The following MORC3 variants were observed in gnomAD, a reference collection of about 807,000 sequenced individuals.
The protein encoded by MORC3 is MORC family CW-type zinc finger 3, also known as MORC family CW-type zinc finger protein 3.
Under a neutral mutation model 109.1 loss-of-function variants are expected in MORC3, and 31 were observed. That is an observed-to-expected ratio of 0.28 (90% CI 0.21 to 0.38). MORC3 has a LOEUF of 0.38. Among genes scored for constraint, MORC3 ranks in the 10% least tolerant of loss-of-function variants. The pLI, the probability that MORC3 is intolerant of heterozygous loss-of-function variation, is 1.00. For synonymous variants in MORC3, 395 were observed against 380.7 expected (o/e 1.04, Z -0.44); for missense variants, 867 against 1,135.8 (o/e 0.76, Z 3.40).
chr21:36,338,643 T>C (rs1445124763), intron 4 of MORC3, 131 bp from the exon 5 acceptor site: 2 of 904,994 alleles, frequency 2.2e-6, no homozygotes, highest in African/African-American at 3.4e-5. Flanking sequence ...TGAGACCCTA[T>C]CTCACAAAAA....
intron 10 of MORC3, among the ~76,000 whole-genome samples, chr21:36,358,096 GCAGGC>G (rs1349724116): frequency 6.6e-6 from 1 of 151,816 alleles, no homozygotes; most frequent in Non-Finnish European, 1.5e-5. Flanking sequence ...GATTTAAAAA[GCAGGC>G]CAGGTACGTT....
intron 14 of MORC3, among the ~76,000 whole-genome samples, chr21:36,368,185 A>G (rs2085802916): frequency 6.6e-6 from 1 of 152,254 alleles, no homozygotes; most frequent in South Asian, 2.1e-4. Flanking sequence ...ACAGGGAATG[A>G]TGCAAATGAA....
chr21:36,357,153 T>G (rs893415623), intron 10 of MORC3, among the ~76,000 whole-genome samples: 6 of 152,152 alleles, frequency 3.9e-5, no homozygotes, highest in African/African-American at 1.4e-4. Flanking sequence ...ATTAAGAGCA[T>G]TTGCCTCCTC....
chr21:36,322,860 A>G (rs2085208797), intron 1 of MORC3, among the ~76,000 whole-genome samples: 2 of 150,934 alleles, frequency 1.3e-5, no homozygotes, highest in South Asian at 2.1e-4. Context: ...GCTGATGCAC[A>G]CTCTTCACCA....
At chr21:36,333,260 C>G (rs2085335943) in intron 1 of MORC3, among the ~76,000 whole-genome samples, 1 of 152,180 alleles carries the variant, frequency 6.6e-6, no homozygotes, top group African/African-American at 2.4e-5. Flanking sequence ...GGAGAAAGTG[C>G]CTCCTTGACA....
Position 36,364,252 on chromosome 21 carries a change from A to G in MORC3, c.1612A>G (p.Ser538Gly), listed in dbSNP as rs747161481. ...AGTTCCACCTCAGTCTGAACCTGAG[A>G]GCAACAGGTCAGTGGCTAAGATTGG... ...HQVPPQSEPE[S>G]NSLKRRLSTR... Residue 538 changes from serine (S) to glycine (G), a missense_variant, in exon 14 of 17, where the codon AGC becomes GGC. Physicochemically the swap from Ser to Gly is moderately conservative, Grantham distance 56. Around this residue, in one of 7 missense-constraint regions of MORC3, gnomAD observed 486 missense variants for 502.1 expected, o/e 0.97. Transcript: ENST00000400485. The G allele has an allele frequency of 6.8e-6, 11 of 1,613,872 alleles. No homozygotes were observed. The South Asian group carries it at 1.2e-4, about 18-fold the overall frequency.
intron 12 of MORC3, among the ~76,000 whole-genome samples, chr21:36,361,353 G>A (rs1421801995): frequency 6.6e-6 from 1 of 151,430 alleles, no homozygotes; most frequent in Non-Finnish European, 1.5e-5. Flanking sequence ...ATACCAGCCT[G>A]GCCAACATAG....
intron 1 of MORC3, 121 bp downstream of exon 1, chr21:36,320,424 G>C (rs1041974060): frequency 1.9e-6 from 2 of 1,029,408 alleles, no homozygotes; most frequent in Non-Finnish European, 2.5e-6. Context: ...GGCTGCGGCG[G>C]GGCCCGGGGA....
At chr21:36,320,623 T>C (rs1011649709) in intron 1 of MORC3, 1 of 279,632 alleles carries the variant, frequency 3.6e-6, no homozygotes, top group Non-Finnish European at 6.6e-6. Context: ...ATCGGTCTGC[T>C]CTCGGGGCCG....
chr21:36,337,372 C>T (rs374132859), intron 3 of MORC3, among the ~76,000 whole-genome samples: 1 of 152,116 alleles, frequency 6.6e-6, no homozygotes, highest in Non-Finnish European at 1.5e-5. Flanking sequence ...ATCTCACAGT[C>T]CCGGAAGCAT....
intron 15 of MORC3, among the ~76,000 whole-genome samples, chr21:36,371,852 T>G (rs1312424365): frequency 3.3e-5 from 5 of 151,340 alleles, no homozygotes; most frequent in Non-Finnish European, 7.4e-5. Flanking sequence ...TCGCTCTTGT[T>G]GCCCAGGCTG....
chr21:36,326,970 C>T (rs2085254214), intron 1 of MORC3, among the ~76,000 whole-genome samples: 1 of 151,704 alleles, frequency 6.6e-6, no homozygotes, highest in African/African-American at 2.4e-5. Context: ...CACCTGCCAC[C>T]ACGCCCGGCT....
chr21:36,355,024 G>T (rs1195569982), intron 9 of MORC3, among the ~76,000 whole-genome samples: 1 of 152,164 alleles, frequency 6.6e-6, no homozygotes, highest in Non-Finnish European at 1.5e-5. Flanking sequence ...GACATAGCAG[G>T]AATTTATTGT....
intron 15 of MORC3, among the ~76,000 whole-genome samples, chr21:36,370,633 A>ATTTTTTT (rs2085848041): frequency 4.3e-5 from 2 of 46,478 alleles, no homozygotes. Context: ...ATATATATAT[A>ATTTTTTT]TATATATTTT....
intron 8 of MORC3, among the ~76,000 whole-genome samples, chr21:36,345,994 A>C (rs897238593): frequency 1.3e-5 from 2 of 151,976 alleles, no homozygotes; most frequent in African/African-American, 4.8e-5. Context: ...GGTGCATGCC[A>C]GCACCTTAAT....
At position 36,369,480 on chromosome 21, in the gene MORC3, C is replaced by A; in HGVS notation, c.2112C>A (p.Leu704=). The A allele has an allele frequency of 6.2e-7, 1 of 1,614,126 alleles. No homozygotes were observed. Among genetic ancestry groups the A allele is most frequent in the East Asian group, 2.2e-5 (1 of 44,884 alleles). ...CQLQELRNQL[L]LVTEEKENYK... Reference sequence around the variant, plus strand: ...TACAAGAACTGAGAAACCAGCTACTCCTTGTCACTGAGGAAAAAGAGAATT... The same window carrying A: ...TACAAGAACTGAGAAACCAGCTACTACTTGTCACTGAGGAAAAAGAGAATT... Residue 704 remains leucine, a synonymous_variant, in exon 15 of 17, where the codon CTC becomes CTA. Coordinates refer to ENST00000400485, the MANE Select transcript of MORC3 (RefSeq NM_015358.3).
chr21:36,335,808 A>G (rs564197844), intron 2 of MORC3, among the ~76,000 whole-genome samples: 2 of 152,340 alleles, frequency 1.3e-5, no homozygotes, highest in East Asian at 1.9e-4. Context: ...CCATCCTTGT[A>G]TGTAACTTAG....
rs574215147 is a variant in MORC3 at position 36,356,423 on chromosome 21, A to G, written c.1104-197A>G. 3.7e-4 allele frequency among the ~76,000 whole-genome samples: 56 copies of G among 152,222 alleles called. 1 individual carries two copies. Among genetic ancestry groups the G allele is most frequent in the Admixed American group, 3.6e-3 (55 of 15,288 alleles). ...GTTATAACTCTCTAAAAAATTTTCT[A>G]ATTTATTGAAAGAAAATTGTGTATA... On this transcript the variant is annotated intron_variant, in intron 9 of 16. Transcript: ENST00000400485.
chr21:36,360,169 G>A lies in MORC3; in HGVS notation c.1332-15G>A. ...CGCTGGTGACATGTTATTCCTATGT[G>A]ATTTTTCTGAATAGAAATTGTGAGG... On this transcript the variant is annotated splice_polypyrimidine_tract_variant and intron_variant, in intron 11 of 16. Transcript: ENST00000400485. 6.2e-7 allele frequency: 1 copy of A among 1,614,062 alleles called. No individual in the cohort carries two copies. Among genetic ancestry groups the A allele is most frequent in the Non-Finnish European group, 8.5e-7 (1 of 1,179,970 alleles).
Sources: gnomAD v4.1 joint callset for allele counts (sites outside exome capture counted in the v4.1 genomes callset) on GRCh38, gnomAD v4.1.1 for gene constraint, gnomAD v4.1.1 regional missense constraint, MANE v1.5 for transcripts, NCBI Gene and HGNC (gene_info 2026-07-23, HGNC 2026-07-21) for gene names.